FAM13A: variants seen among roughly 807,000 people sequenced by gnomAD.
FAM13A encodes protein FAM13A.
Under a neutral mutation model 129.6 loss-of-function variants are expected in FAM13A, and 76 were observed. The observed-to-expected ratio is 0.59, with a 90% CI of 0.49 to 0.71. The LOEUF (loss-of-function observed/expected upper bound fraction) is 0.71. FAM13A is among the 30% of genes least tolerant of loss of function. FAM13A has a pLI of 0.00. For synonymous variants in FAM13A, 443 were observed against 449.9 expected (o/e 0.98, Z 0.20); for missense variants, 1,108 against 1,249.3 (o/e 0.89, Z 1.70).
intron 11 of FAM13A, among the ~76,000 whole-genome samples, chr4:88,771,330 C>T (rs1285764258): frequency 1.3e-5 from 2 of 151,976 alleles, no homozygotes; most frequent in Non-Finnish European, 2.9e-5. Context: ...CTCTACTTCA[C>T]TAAGATGAGG....
At chr4:88,961,792 T>C (rs1030976456) in intron 4 of FAM13A, among the ~76,000 whole-genome samples, 2 of 152,136 alleles carry the variant, frequency 1.3e-5, no homozygotes, top group Non-Finnish European at 2.9e-5. Context: ...AACAGAAAGT[T>C]TTGGGATTCA....
intron 2 of FAM13A, among the ~76,000 whole-genome samples, chr4:89,021,209 G>C (rs937566122): frequency 6.6e-6 from 1 of 152,168 alleles, no homozygotes; most frequent in Non-Finnish European, 1.5e-5. Context: ...CAGTTGATGG[G>C]GGATATCAGT....
chr4:88,875,482 G>T (rs181935186), intron 6 of FAM13A, among the ~76,000 whole-genome samples: 2 of 152,174 alleles, frequency 1.3e-5, no homozygotes, highest in African/African-American at 2.4e-5. Flanking sequence ...GTGGGCAAAG[G>T]TTATAACAGA....
At chr4:88,831,412 T>C (rs906227181) in intron 7 of FAM13A, among the ~76,000 whole-genome samples, 24 of 152,188 alleles carry the variant, frequency 1.6e-4, no homozygotes, top group African/African-American at 5.6e-4. Flanking sequence ...GTCAAAATTA[T>C]TTAGTGTGAT....
intron 3 of FAM13A, among the ~76,000 whole-genome samples, chr4:89,020,103 T>C (rs995197925): frequency 2.6e-5 from 4 of 152,160 alleles, no homozygotes; most frequent in Admixed American, 2.6e-4. Flanking sequence ...GTATCAGAAA[T>C]TTCATTTAAT....
chr4:89,003,483 C>T, intron 3 of FAM13A, among the ~76,000 whole-genome samples: 1 of 151,868 alleles, frequency 6.6e-6, no homozygotes, highest in East Asian at 1.9e-4. Context: ...TGTTGGTGCA[C>T]ACCTGTAATC....
At chr4:89,002,641 T>G (rs1050996405) in intron 3 of FAM13A, among the ~76,000 whole-genome samples, 12 of 152,164 alleles carry the variant, frequency 7.9e-5, no homozygotes, top group Non-Finnish European at 1.8e-4. Context: ...CAAAGTGAAG[T>G]ATGCCAAGAG....
At chr4:88,783,607 G>T (rs1346152688) in intron 10 of FAM13A, among the ~76,000 whole-genome samples, 1 of 152,116 alleles carries the variant, frequency 6.6e-6, no homozygotes, top group East Asian at 1.9e-4. Context: ...TTAAATGGAG[G>T]ATCTTTAATG....
At chr4:88,887,622 G>A (rs947829821) in intron 6 of FAM13A, among the ~76,000 whole-genome samples, 5 of 149,228 alleles carry the variant, frequency 3.4e-5, no homozygotes, top group African/African-American at 9.9e-5. Context: ...CCTTTGCCTC[G>A]AGGGATCAAG....
intron 14 of FAM13A, among the ~76,000 whole-genome samples, chr4:88,751,886 T>A (rs190496393): frequency 6.6e-6 from 1 of 152,362 alleles, no homozygotes; most frequent in Non-Finnish European, 1.5e-5. Flanking sequence ...TCTTAAACTC[T>A]GGGATTCCTA....
chr4:88,954,605 C>T (rs1011748012), intron 4 of FAM13A, among the ~76,000 whole-genome samples: 8 of 152,068 alleles, frequency 5.3e-5, no homozygotes, highest in African/African-American at 1.9e-4. Flanking sequence ...TGAGAATGGC[C>T]AGGAGTGCTG....
At chr4:88,732,708 T>C (rs1660647134) in intron 21 of FAM13A, 1 of 152,008 alleles carries the variant, frequency 6.6e-6, no homozygotes, top group Admixed American at 6.6e-5. Flanking sequence ...TAGAAAATAT[T>C]TTATGGCTGC....
intron 6 of FAM13A, among the ~76,000 whole-genome samples, chr4:88,891,599 C>A (rs1428540205): frequency 6.6e-6 from 1 of 152,080 alleles, no homozygotes; most frequent in Admixed American, 6.6e-5. Context: ...AAATATGTAT[C>A]CAGGCCAGGT....
At chr4:88,961,937 G>A (rs1485045394) in intron 4 of FAM13A, among the ~76,000 whole-genome samples, 1 of 151,778 alleles carries the variant, frequency 6.6e-6, no homozygotes, top group Admixed American at 6.6e-5. Flanking sequence ...AATAGGTTAA[G>A]TTCAATTATA....
chr4:88,895,453 A>C (rs966496675), intron 6 of FAM13A, among the ~76,000 whole-genome samples: 1 of 150,806 alleles, frequency 6.6e-6, no homozygotes. Context: ...TCTGTACAGC[A>C]AAAGAAACTA....
intron 7 of FAM13A, among the ~76,000 whole-genome samples, chr4:88,821,141 T>C (rs28618985): frequency 0.12 from 17,537 of 152,188 alleles, 1,489 homozygotes; most frequent in African/African-American, 0.23. Context: ...GGGAAAGTTT[T>C]CTACACAAAT....
intron 1 of FAM13A, among the ~76,000 whole-genome samples, chr4:89,040,894 G>A (rs1295890190): frequency 1.3e-5 from 2 of 152,184 alleles, no homozygotes; most frequent in African/African-American, 4.8e-5. Flanking sequence ...TGCCAGCAGA[G>A]GAACACGGAA....
chr4:88,936,555 C>T (rs1753873017), intron 5 of FAM13A: 1 of 152,466 alleles, frequency 6.6e-6, no homozygotes, highest in Non-Finnish European at 1.5e-5. Flanking sequence ...ATCCAAACAC[C>T]TCCCACCAGG....
chr4:88,843,273 A>T (rs1324111916), intron 7 of FAM13A, among the ~76,000 whole-genome samples: 2 of 152,254 alleles, frequency 1.3e-5, no homozygotes, highest in African/African-American at 2.4e-5. Flanking sequence ...GCTTGTCACA[A>T]GGCAGCCTGA....
Sources: gnomAD v4.1 joint callset for allele counts (sites outside exome capture counted in the v4.1 genomes callset) on GRCh38, gnomAD v4.1.1 for gene constraint, MANE v1.5 for transcripts, NCBI Gene and HGNC (gene_info 2026-07-23, HGNC 2026-07-21) for gene names.